MGAM: variants seen among roughly 807,000 people sequenced by gnomAD.
MGAM encodes the protein maltase-glucoamylase, also known as alpha-1,4-glucosidase.
In MGAM, 253 loss-of-function variants were observed where a neutral mutation model predicts 358.8. That is an observed-to-expected ratio of 0.71 (90% CI 0.64 to 0.78). The LOEUF (loss-of-function observed/expected upper bound fraction) is 0.78, where lower values mean the gene tolerates loss of function less well. Ranked by LOEUF, MGAM falls within the 30% of genes least tolerant of loss-of-function variation. The pLI is 0.00. For missense variants in MGAM, 3,080 were observed against 3,432.6 expected (o/e 0.90, Z 2.57); for synonymous variants, 1,105 against 1,227.1 (o/e 0.90, Z 2.08).
At chr7:142,051,285 C>G (rs1398624900) in intron 24 of MGAM, among the ~76,000 whole-genome samples, 1 of 151,934 alleles carries the variant, frequency 6.6e-6, no homozygotes, top group African/African-American at 2.4e-5. Flanking sequence ...TAGTTACCAA[C>G]TTGATTTAAT....
rs1299894239 is a variant in MGAM at position 142,083,853 on chromosome 7, G to A, written c.6381+440G>A. On this transcript the variant is annotated intron_variant, in intron 53 of 70. Transcript: ENST00000475668. ...TGGTGATAGTGGTGGTGATGGTGAC[G>A]ATGATGGGGTGGTGATGGTTGGTGT... is the stretch of plus-strand genomic sequence containing the variant. 3.5e-5 allele frequency among the ~76,000 whole-genome samples: 5 copies of A among 143,840 alleles called. 1 individual carries two copies. Among genetic ancestry groups the A allele is most frequent in the Non-Finnish European group, 6.3e-5 (4 of 63,430 alleles). The allele number at this position is 143,840 out of a possible 152,430, so 94.4% of individuals were successfully genotyped here. A position where few individuals can be genotyped will look rare whatever the true frequency, so the allele number is the denominator to read the frequency against.
chr7:142,044,059 A>ATACGACGTATAATATGTACATTATATACG (rs1563152913), intron 21 of MGAM, among the ~76,000 whole-genome samples: 2 of 61,054 alleles, frequency 3.3e-5, no homozygotes, highest in Non-Finnish European at 8.8e-5. Flanking sequence ...CATTATATAC[A>ATACGACGTATAATATGTACATTATATACG]CATACGACGT....
At chr7:142,068,532 A>T (rs571086394) in intron 42 of MGAM, 115 bp from the exon 43 acceptor site, 1 of 835,270 alleles carries the variant, frequency 1.2e-6, no homozygotes, top group Admixed American at 2.1e-5. Context: ...CTCTTGGGAC[A>T]TGAGGCAGCT....
In MGAM at chr7:142,086,702, G is replaced by T. The variant is rs1814794101; in HGVS notation, c.6795G>T (p.Trp2265Cys). 1.8e-6 allele frequency: 2 copies of T among 1,115,634 alleles called. No individual in the cohort carries two copies. The highest frequency in any genetic ancestry group is 2.5e-6 in the Non-Finnish European group (2 of 808,100). The allele number at this position is 1,115,634 out of a possible 1,614,324, so 69.1% of individuals were successfully genotyped here. ...TTGTTGTGAATGGGTCTCTAGACTG[G>T]GACAGTCAAGTGGAGGTAAAGGGTC... Reference protein sequence around the residue: ...PDVVVNGSLDWDSQVELYRAY... With the variant: ...PDVVVNGSLDCDSQVELYRAY... The change falls in exon 57 of 71, where the codon TGG becomes TGT. Residue 2265 changes from tryptophan (W) to cysteine (C), a missense_variant. This residue lies in a region of MGAM where 932 missense variants were observed against 1,198.2 expected (regional missense o/e 0.78). Coordinates refer to ENST00000475668, the MANE Select transcript of MGAM (RefSeq NM_001365693.1).
rs1554462933 is a variant in MGAM, at chr7:142,030,490, T to C, written c.1350T>C (p.Ile450=). The part of the protein sequence containing the change: ...LHNNGQKLVI[I]VDPAISNNSS... ...ATAATGGACAGAAGCTTGTCATCAT[T>C]GTGGTATGTACTGCCCTCTTTCCAC... is the stretch of plus-strand genomic sequence containing the variant. Residue 450 remains isoleucine, a synonymous_variant, in exon 11 of 71, where the codon ATT becomes ATC. Transcript: ENST00000475668. 6.2e-7 allele frequency: 1 copy of C among 1,613,646 alleles called. No homozygotes were observed. Among genetic ancestry groups the C allele is most frequent in the Admixed American group, 1.7e-5 (1 of 59,964 alleles).
Position 142,084,996 on chromosome 7 carries a change from A to G in MGAM, c.6507+352A>G, listed in dbSNP as rs1263189916. Among the ~76,000 whole-genome samples, 3 of 146,494 alleles carry G rather than the reference A, an allele frequency of 2.0e-5. 1 individual carries two copies. Among genetic ancestry groups the G allele is most frequent in the Non-Finnish European group, 4.6e-5 (3 of 64,610 alleles). On this transcript the variant is annotated intron_variant, in intron 54 of 70. Coordinates refer to ENST00000475668, the MANE Select transcript of MGAM (RefSeq NM_001365693.1). ...ATAATATCCACAGTTCTTTTACTTA[A>G]TTCCTGAAAAAAACTAACCCCAAAC...
rs1450218839 is a variant in MGAM, at chr7:142,092,223, A to G, written c.6945+176A>G. Among the ~76,000 whole-genome samples the G allele has an allele frequency of 2.1e-5, 3 of 146,186 alleles. 1 individual carries two copies. Among genetic ancestry groups the G allele is most frequent in the Admixed American group, 1.4e-4 (2 of 14,546 alleles). On this transcript the variant is annotated intron_variant, in intron 58 of 70. Coordinates refer to ENST00000475668, the MANE Select transcript of MGAM (RefSeq NM_001365693.1). ...AGCCCTGATAGCCCTCACACCTTCT[A>G]CCAGACCTGACATTACTACTATAAA...
intron 24 of MGAM, 50 bp downstream of exon 24, chr7:142,050,914 C>G: frequency 1.9e-6 from 3 of 1,610,832 alleles, no homozygotes; most frequent in Non-Finnish European, 2.5e-6. Context: ...TCCATAGCAT[C>G]GTGATGTTCC....
rs1815406010 is a variant in MGAM at position 142,091,762 on chromosome 7, C to T, written c.6811-151C>T. The T allele has an allele frequency of 3.4e-6, 3 of 871,476 alleles. No homozygotes were observed. The East Asian group carries it at 8.5e-5, about 25-fold the overall frequency. The allele number at this position is 871,476 out of a possible 1,614,324, so 54.0% of individuals were successfully genotyped here. A position where few individuals can be genotyped will look rare whatever the true frequency, so the allele number is the denominator to read the frequency against. ...TAATTTCTCCTCTCATTCTACATTT[C>T]TCTAATAAGTTAATAACATTATTTA... On this transcript the variant is annotated intron_variant, in intron 57 of 70. Coordinates refer to ENST00000475668, the MANE Select transcript of MGAM (RefSeq NM_001365693.1).
intron 3 of MGAM, among the ~76,000 whole-genome samples, chr7:142,013,288 T>G (rs1370206840): frequency 1.3e-5 from 2 of 152,094 alleles, no homozygotes; most frequent in African/African-American, 4.8e-5. Context: ...ATGCGAATTG[T>G]GAGGAGCTCC....
chr7:142,040,226 G>T, intron 20 of MGAM, 55 bp downstream of exon 20: 2 of 1,352,674 alleles, frequency 1.5e-6, no homozygotes, highest in South Asian at 2.4e-5. Context: ...CAGCTGCATA[G>T]ACAAGCTACC....
chr7:142,015,984 C>A (rs1805931362), intron 3 of MGAM, among the ~76,000 whole-genome samples: 1 of 151,956 alleles, frequency 6.6e-6, no homozygotes, highest in African/African-American at 2.4e-5. Flanking sequence ...GAGGAAACAC[C>A]ACTTGGTTAT....
chr7:142,050,178 A>T (rs1810803113), intron 22 of MGAM, 57 bp from the exon 23 acceptor site: 1 of 1,557,984 alleles, frequency 6.4e-7, no homozygotes, highest in Non-Finnish European at 8.9e-7. Context: ...GTAGGGTGAA[A>T]TCTGTTCTTC....
chr7:142,092,760 C>T lies in MGAM; in HGVS notation c.7033+152C>T, dbSNP rs1010095436. On this transcript the variant is annotated intron_variant, in intron 59 of 70. Coordinates refer to ENST00000475668, the MANE Select transcript of MGAM (RefSeq NM_001365693.1). The stretch of plus-strand genomic sequence containing the variant: ...GGACCAGAGACAAAAGCTCTGCACG[C>T]GCTTTACCCAGCTGGGCATGTGCAA... Among the ~76,000 whole-genome samples the T allele has an allele frequency of 9.5e-5, 14 of 146,930 alleles. 3 individuals are homozygous for T. Among genetic ancestry groups the T allele is most frequent in the African/African-American group, 2.2e-4 (9 of 41,312 alleles).
intron 10 of MGAM, among the ~76,000 whole-genome samples, chr7:142,028,602 A>G (rs1554461807): frequency 6.6e-6 from 1 of 152,198 alleles, no homozygotes; most frequent in African/African-American, 2.4e-5. Context: ...TTTGATTACT[A>G]TTAAATTGGG....
At chr7:142,051,655 C>T (rs895998292) in intron 24 of MGAM, among the ~76,000 whole-genome samples, 33 of 151,798 alleles carry the variant, frequency 2.2e-4, no homozygotes, top group African/African-American at 7.7e-4. Flanking sequence ...ATGTTTTTTT[C>T]AACTTTTCAA....
At chr7:142,053,717 C>T (rs1253391485) in intron 26 of MGAM, among the ~76,000 whole-genome samples, 1 of 152,102 alleles carries the variant, frequency 6.6e-6, no homozygotes, top group East Asian at 1.9e-4. Context: ...ATGTTATTGA[C>T]AGAGTAAGTG....
rs1816821738 is a variant in MGAM at position 142,105,844 on chromosome 7, A to G, written c.8215A>G (p.Ile2739Val). ...AAGCATCGATGTGACTGACAGAAAC[A>G]TCAGCCTACATAATTTTACTTCATT... ...VLSIDVTDRN[I>V]SLHNFTSLTW... is the part of the protein sequence containing the mutation. Residue 2739 changes from isoleucine to valine, a missense_variant, in exon 71 of 71, where the codon ATC becomes GTC. By Grantham distance (29) the Ile-to-Val change is conservative. Around this residue, in one of 5 missense-constraint regions of MGAM, gnomAD observed 194 missense variants for 172.8 expected, o/e 1.12. Transcript: ENST00000475668. The G allele has an allele frequency of 6.2e-7, 1 of 1,613,602 alleles. No individual in the cohort carries two copies. The highest frequency in any genetic ancestry group is 8.5e-7 in the Non-Finnish European group (1 of 1,179,560).
At chr7:141,991,734 C>T (rs745455543), upstream of MGAM, among the ~76,000 whole-genome samples, 5 of 152,074 alleles carry the variant, frequency 3.3e-5, no homozygotes, top group African/African-American at 7.2e-5. Context: ...CACACCTGGC[C>T]GAGAAAAGGA....
Sources: gnomAD v4.1 joint callset for allele counts (sites outside exome capture counted in the v4.1 genomes callset) on GRCh38, gnomAD v4.1.1 for gene constraint, gnomAD v4.1.1 regional missense constraint, MANE v1.5 for transcripts, NCBI Gene and HGNC (gene_info 2026-07-23, HGNC 2026-07-21) for gene names.